Variants in OPA1 observed in about 807,000 individuals in gnomAD.
OPA1 encodes the protein OPA1 mitochondrial dynamin like GTPase.
In OPA1, 59 loss-of-function variants were observed where a neutral mutation model predicts 152.9. That is an observed-to-expected ratio of 0.39 (90% CI 0.31 to 0.48). OPA1 has a LOEUF of 0.48. Among genes scored for constraint, OPA1 ranks in the 20% least tolerant of loss-of-function variants. The pLI, the probability that OPA1 is intolerant of heterozygous loss-of-function variation, is 0.96. For synonymous variants in OPA1, 400 were observed against 389.9 expected (o/e 1.03, Z -0.31); for missense variants, 1,008 against 1,216.8 (o/e 0.83, Z 2.55).
In OPA1 at chr3:193,636,668, ACT is replaced by A. The variant is rs534809907; in HGVS notation, c.949-525_949-524del. 1.5e-4 allele frequency among the ~76,000 whole-genome samples: 23 copies of A among 152,146 alleles called. No homozygotes were observed. The South Asian group carries it at 4.8e-3, about 32-fold the overall frequency. ...GATACAGGATATTTGCCCTTGCTACACTCATATTTCAGCCTGCCCAGTTGTCA... is the reference window on the plus strand; with the variant it reads ...GATACAGGATATTTGCCCTTGCTACACATATTTCAGCCTGCCCAGTTGTCA... On this transcript the variant is annotated intron_variant, in intron 9 of 30. Transcript: ENST00000361510.
chr3:193,618,204 C>T (rs912697834), intron 5 of OPA1, among the ~76,000 whole-genome samples: 2 of 152,078 alleles, frequency 1.3e-5, no homozygotes, highest in African/African-American at 2.4e-5. Flanking sequence ...TCCGGCCGGG[C>T]GCGGTGGCTC....
chr3:193,658,916 C>T lies in OPA1; in HGVS notation c.2361C>T (p.Asp787=), dbSNP rs1714564311. The T allele has an allele frequency of 1.9e-6, 3 of 1,613,742 alleles. No homozygotes were observed. The highest frequency in any genetic ancestry group is 3.3e-5 in the Admixed American group (2 of 60,008). ...TTATTCAACACAATGCTTTGGAAGA[C>T]CGATCCATATCTGATAAACAGCAAT... ...LRVIQHNALE[D]RSISDKQQWD... Residue 787 remains aspartate (D), a synonymous_variant, in exon 24 of 31, where the codon GAC becomes GAT. Transcript: ENST00000361510.
chr3:193,667,094 T>A (rs1716741428), intron 28 of OPA1, 76 bp from the exon 29 acceptor site: 1 of 756,032 alleles, frequency 1.3e-6, no homozygotes, highest in Admixed American at 1.8e-5. Context: ...ACTCTCCATA[T>A]ATATAGGTTA....
At chr3:193,651,252 A>C (rs910196410) in intron 21 of OPA1, among the ~76,000 whole-genome samples, 2 of 152,238 alleles carry the variant, frequency 1.3e-5, no homozygotes, top group African/African-American at 4.8e-5. Flanking sequence ...AAAATGGAAT[A>C]CAGGCGGAGA....
At chr3:193,680,333 T>C (rs1038454779) in intron 29 of OPA1, among the ~76,000 whole-genome samples, 6 of 152,200 alleles carry the variant, frequency 3.9e-5, no homozygotes, top group African/African-American at 1.2e-4. Flanking sequence ...CCAATATTTA[T>C]AACAGTTTGA....
At chr3:193,594,145 A>G (rs1220106581) in intron 1 of OPA1, among the ~76,000 whole-genome samples, 2 of 152,160 alleles carry the variant, frequency 1.3e-5, no homozygotes, top group African/African-American at 4.8e-5. Flanking sequence ...GTGCGTTACT[A>G]TATGCATTGT....
chr3:193,597,857 G>T (rs973244914), intron 1 of OPA1, among the ~76,000 whole-genome samples: 1 of 151,810 alleles, frequency 6.6e-6, no homozygotes, highest in East Asian at 1.9e-4. Context: ...AGGGAGGGTC[G>T]CTTGAGCTCA....
rs753604128 is a variant in OPA1 at position 193,643,474 on chromosome 3, T to G, written c.1377+30T>G. ...GTATATACAAAACATGTATTTTATT[T>G]TATTCTTATTGTGTGAAGCATTTAT... is the stretch of plus-strand genomic sequence containing the variant. On this transcript the variant is annotated intron_variant, in intron 14 of 30. Coordinates refer to ENST00000361510, the MANE Select transcript of OPA1 (RefSeq NM_130837.3). 4 of 1,606,072 alleles carry G rather than the reference T, an allele frequency of 2.5e-6. No individual in the cohort carries two copies. In the African/African-American group the frequency reaches 5.3e-5, roughly 21 times the overall value.
chr3:193,633,435 A>T (rs1053859670), intron 8 of OPA1, among the ~76,000 whole-genome samples: 1 of 152,192 alleles, frequency 6.6e-6, no homozygotes, highest in Admixed American at 6.5e-5. Context: ...CCCAAAATTG[A>T]TTTTGTGTTT....
chr3:193,668,259 T>A (rs1717087655), intron 29 of OPA1: 3 of 1,304,632 alleles, frequency 2.3e-6, no homozygotes, highest in Non-Finnish European at 3.2e-6. Context: ...CATATTTTGG[T>A]CAGTCCTCCT....
rs976524276 is a variant in OPA1, at chr3:193,696,446, A to C, written c.*1846A>C. 5.9e-5 allele frequency: 9 copies of C among 152,226 alleles called. No individual in the cohort carries two copies. The highest frequency in any genetic ancestry group is 2.2e-4 in the African/African-American group (9 of 41,464). 9.4% of individuals were successfully genotyped at this position (152,226 alleles called of 1,614,324 possible). On this transcript the variant is annotated 3_prime_UTR_variant, in exon 31 of 31. Coordinates refer to ENST00000361510, the MANE Select transcript of OPA1 (RefSeq NM_130837.3). ...TAGATGATAACAATTAATATTACTA[A>C]AAGTCCCACATGAGAGTCCTGACGC...
chr3:193,655,199 G>C, intron 22 of OPA1, 172 bp downstream of exon 22: 2 of 629,320 alleles, frequency 3.2e-6, no homozygotes, highest in Non-Finnish European at 5.4e-6. Flanking sequence ...GTTGCTACCA[G>C]TTACTACGGT....
intron 29 of OPA1, among the ~76,000 whole-genome samples, chr3:193,679,216 T>G (rs1484460382): frequency 6.6e-6 from 1 of 151,942 alleles, no homozygotes; most frequent in Non-Finnish European, 1.5e-5. Context: ...GCCTGCACAT[T>G]CTGCACATAG....
At chr3:193,617,957 C>T in intron 5 of OPA1, 120 bp downstream of exon 5, 1 of 732,018 alleles carries the variant, frequency 1.4e-6, no homozygotes, top group Non-Finnish European at 2.5e-6. Context: ...TTTAAAACCC[C>T]AGAACTATAT....
At chr3:193,680,696 A>G (rs527684924) in intron 29 of OPA1, among the ~76,000 whole-genome samples, 6 of 152,258 alleles carry the variant, frequency 3.9e-5, no homozygotes, top group Non-Finnish European at 8.8e-5. Flanking sequence ...AGAAGAAAAG[A>G]TGAATTTTTA....
chr3:193,612,823 A>G (rs1398070740), intron 1 of OPA1, among the ~76,000 whole-genome samples: 1 of 152,226 alleles, frequency 6.6e-6, no homozygotes, highest in Non-Finnish European at 1.5e-5. Flanking sequence ...CCAGTTAATT[A>G]TCAAATCCAA....
At chr3:193,617,525 A>T (rs1235936677) in intron 4 of OPA1, among the ~76,000 whole-genome samples, 1 of 152,174 alleles carries the variant, frequency 6.6e-6, no homozygotes, top group Admixed American at 6.5e-5. Context: ...TGAGGGGAAA[A>T]AATGTATCAC....
chr3:193,617,348 A>G, intron 4 of OPA1, 63 bp downstream of exon 4: 1 of 936,288 alleles, frequency 1.1e-6, no homozygotes, highest in Admixed American at 2.0e-5. Context: ...AAATACATGG[A>G]TTATTTGTTT....
chr3:193,626,015 G>C (rs1731057604), intron 6 of OPA1, 77 bp from the exon 7 acceptor site: 1 of 1,073,862 alleles, frequency 9.3e-7, no homozygotes, highest in South Asian at 1.3e-5. Context: ...GCTTACATCT[G>C]TTCCTTTGTT....
Sources: gnomAD v4.1 joint callset for allele counts (sites outside exome capture counted in the v4.1 genomes callset) on GRCh38, gnomAD v4.1.1 for gene constraint, MANE v1.5 for transcripts, NCBI Gene and HGNC (gene_info 2026-07-23, HGNC 2026-07-21) for gene names.